The following MATK variants were observed in gnomAD, a reference collection of about 807,000 sequenced individuals.
The protein encoded by MATK is megakaryocyte-associated tyrosine-protein kinase.
A neutral mutation model predicts 59.8 loss-of-function variants in MATK; 41 were observed. The observed-to-expected ratio is 0.69, with a 90% CI of 0.53 to 0.89. The LOEUF (loss-of-function observed/expected upper bound fraction) is 0.89. MATK is among the 40% of genes least tolerant of loss of function. The pLI is 0.00. For synonymous variants in MATK, 308 were observed against 306.1 expected (o/e 1.01, Z -0.06); for missense variants, 593 against 719.6 (o/e 0.82, Z 2.01).
chr19:3,793,553 T>C (rs761534901), intron 1 of MATK, among the ~76,000 whole-genome samples: 7 of 152,074 alleles, frequency 4.6e-5, no homozygotes, highest in African/African-American at 9.7e-5. Context: ...AATATAAAAA[T>C]TAGCCAGGTG....
chr19:3,788,107 A>G (rs1403270731), upstream of MATK, among the ~76,000 whole-genome samples: 1 of 130,786 alleles, frequency 7.6e-6, no homozygotes, highest in Non-Finnish European at 1.6e-5. Context: ...TTTATATTAT[A>G]TTATATTATA....
At chr19:3,789,554 G>T (rs1270389185), upstream of MATK, 2 of 498,120 alleles carry the variant, frequency 4.0e-6, no homozygotes, top group Non-Finnish European at 7.2e-6. Context: ...TTCGCAAATT[G>T]TCAAGGGCTG....
At position 3,784,258 on chromosome 19, in the gene MATK, G is replaced by A. The variant is rs766151477; in HGVS notation, c.247-19C>T. The A allele has an allele frequency of 3.7e-6, 6 of 1,605,710 alleles. No homozygotes were observed. Among genetic ancestry groups the A allele is most frequent in the South Asian group, 2.2e-5 (2 of 90,680 alleles). On this transcript the variant is annotated intron_variant, in intron 4 of 13. Transcript: ENST00000310132. ...TCTTGTTCTGCCAGGGAGGAAGCAC[G>A]GGGTTAGTGTGGGGGGTGTGGGGGT...
At chr19:3,783,050 G>T in intron 7 of MATK, 76 bp downstream of exon 7, 1 of 1,451,934 alleles carries the variant, frequency 6.9e-7, no homozygotes, top group Non-Finnish European at 9.6e-7. Context: ...CAGAGGTGCG[G>T]GGCCCCAGGG....
intron 1 of MATK, among the ~76,000 whole-genome samples, chr19:3,799,665 C>T (rs1338744438): frequency 6.6e-6 from 1 of 151,342 alleles, no homozygotes; most frequent in Non-Finnish European, 1.5e-5. Context: ...CGCAGTGAAA[C>T]CCCATCTCTG....
rs763551941 is a variant in MATK, at chr19:3,778,229, C to T, written c.1478G>A (p.Gly493Glu). ...RSAGAPASVS[G>E]QDADGSTSPR... ...CGAGGTGGAGCCGTCGGCGTCCTGC[C>T]CTGAGACGGAGGCTGGGGCACCTGC... The change falls in exon 14 of 14, where the codon GGG (glycine) becomes GAG (glutamate). Residue 493 changes from glycine (G) to glutamate (E), a missense_variant. Physicochemically the swap from Gly to Glu is moderately conservative, Grantham distance 98. Transcript: ENST00000310132. The T allele has an allele frequency of 3.2e-6, 5 of 1,575,164 alleles. No individual in the cohort carries two copies. The East Asian group carries it at 6.7e-5, about 21-fold the overall frequency.
Position 3,785,066 on chromosome 19 carries a change from G to C in MATK, c.70C>G (p.Arg24Gly), listed in dbSNP as rs758085801. 1.9e-6 allele frequency: 3 copies of C among 1,613,756 alleles called. No individual in the cohort carries two copies. The African/African-American group carries it at 4.0e-5, about 22-fold the overall frequency. The stretch of plus-strand genomic sequence containing the variant: ...CCCTGTGGGGAAGTGATCTTTACCC[G>C]GGGAAGTTCCTCAGCAGAATCACAG... Reference protein sequence around the residue: ...HGCDSAEELPRVSPRFLRAWH... With the variant: ...HGCDSAEELPGVSPRFLRAWH... The change falls in exon 2 of 14, where the codon CGG becomes GGG. Residue 24 changes from arginine (R) to glycine (G), a missense_variant and splice_region_variant. Coordinates refer to ENST00000310132, the MANE Select transcript of MATK (RefSeq NM_139355.3).
At chr19:3,794,287 T>G (rs567369690) in intron 1 of MATK, among the ~76,000 whole-genome samples, 1 of 152,276 alleles carries the variant, frequency 6.6e-6, no homozygotes, top group East Asian at 1.9e-4. Flanking sequence ...CGACCAGCCC[T>G]GGGCCCGGCA....
At position 3,784,321 on chromosome 19, in the gene MATK, C is replaced by T. The variant is rs1203879381; in HGVS notation, c.246+17G>A. On this transcript the variant is annotated intron_variant, in intron 4 of 13. Transcript: ENST00000310132. ...GCCCCCAGCCCCAAGCACCCACACC[C>T]GCCGGCCACCTCTCACCTCGCAGGC... 15 of 1,594,106 alleles carry T rather than the reference C, an allele frequency of 9.4e-6. No homozygotes were observed. The highest frequency in any genetic ancestry group is 2.2e-5 in the South Asian group (2 of 89,614).
At position 3,781,616 on chromosome 19, in the gene MATK, C is replaced by T. The variant is rs1421131015; in HGVS notation, c.733G>A (p.Glu245Lys). 6.2e-7 allele frequency: 1 copy of T among 1,613,898 alleles called. No homozygotes were observed. The stretch of plus-strand genomic sequence containing the variant: ...CCAGTCCGCCACTCACCTCCAAACT[C>T]TCCCTCTCCGATCTGTGCTCCCAAT... ...LTLGAQIGEGEFGAVLQGEYL... is the reference protein window; with the variant it reads ...LTLGAQIGEGKFGAVLQGEYL... The change falls in exon 8 of 14, where the codon GAG becomes AAG. Residue 245 changes from glutamate to lysine, a missense_variant. Physicochemically the swap from Glu to Lys is moderately conservative, Grantham distance 56 (BLOSUM62 1). Coordinates refer to ENST00000310132, the MANE Select transcript of MATK (RefSeq NM_139355.3).
chr19:3,778,261 T>C lies in MATK; in HGVS notation c.1446A>G (p.Leu482=), dbSNP rs56146052. 2,277 of 1,576,060 alleles carry C rather than the reference T, an allele frequency of 1.4e-3. 1 individual carries two copies. Among genetic ancestry groups the C allele is most frequent in the Non-Finnish European group, 1.8e-3 (2,139 of 1,168,942 alleles). The change falls in exon 14 of 14, where the codon CTA becomes CTG. Residue 482 remains leucine (L), a synonymous_variant. Coordinates refer to ENST00000310132, the MANE Select transcript of MATK (RefSeq NM_139355.3). The part of the protein sequence containing the change: ...RKLAEKLARE[L]RSAGAPASVS... The stretch of plus-strand genomic sequence containing the variant: ...CGGAGGCTGGGGCACCTGCACTGCG[T>C]AGCTCCCGGGCCAGCTTCTCGGCCA...
chr19:3,784,319 C>G lies in MATK; in HGVS notation c.246+19G>C. 6.3e-7 allele frequency: 1 copy of G among 1,593,724 alleles called. No homozygotes were observed. The highest frequency in any genetic ancestry group is 1.1e-5 in the South Asian group (1 of 89,526). On this transcript the variant is annotated intron_variant, in intron 4 of 13. Coordinates refer to ENST00000310132, the MANE Select transcript of MATK (RefSeq NM_139355.3). ...GAGCCCCCAGCCCCAAGCACCCACACCCGCCGGCCACCTCTCACCTCGCAG... is the reference window on the plus strand; with the variant it reads ...GAGCCCCCAGCCCCAAGCACCCACAGCCGCCGGCCACCTCTCACCTCGCAG...
chr19:3,785,487 G>A, intron 1 of MATK: 1 of 346,650 alleles, frequency 2.9e-6, no homozygotes, highest in Non-Finnish European at 5.5e-6. Context: ...CAGGGGTGGG[G>A]GAGCCTCCCT....
intron 8 of MATK, 126 bp downstream of exon 8, chr19:3,781,481 T>C (rs988128515): frequency 1.3e-5 from 13 of 967,384 alleles, no homozygotes; most frequent in Non-Finnish European, 1.3e-5. Flanking sequence ...TCAGAGGATT[T>C]GCACGTCTTC....
At chr19:3,789,304 C>G (rs73531488), upstream of MATK, 1 of 779,282 alleles carries the variant, frequency 1.3e-6, no homozygotes, top group Non-Finnish European at 2.4e-6. Flanking sequence ...GGTCCCTCGC[C>G]GAGGTCTGCC....
chr19:3,799,727 G>A (rs2037626190), intron 1 of MATK, among the ~76,000 whole-genome samples: 1 of 152,128 alleles, frequency 6.6e-6, no homozygotes, highest in African/African-American at 2.4e-5. Flanking sequence ...TGTGGTCCCA[G>A]CTACTTGGGA....
Position 3,786,190 on chromosome 19 carries a change from G to GCCGCGCC in MATK, c.-180_-174dup, listed in dbSNP as rs2037481521. ...TCACCTGCTCAGGGGGCGCCCCCGA[G>GCCGCGCC]CCGCGCCCCGCGCCCGCCCCCAGGA... On this transcript the variant is annotated 5_prime_UTR_variant, in exon 1 of 14. It removes the in-frame stop codon of an upstream open reading frame in the 5' UTR. Coordinates refer to ENST00000310132, the MANE Select transcript of MATK (RefSeq NM_139355.3). The surrounding 1 kb of genome is among the most constrained non-coding windows in gnomAD (Gnocchi z 4.1). The GCCGCGCC allele has an allele frequency of 1.4e-5, 14 of 982,650 alleles. No individual in the cohort carries two copies. The highest frequency in any genetic ancestry group is 1.7e-5 in the Non-Finnish European group (14 of 827,730). The allele number at this position is 982,650 out of a possible 1,614,324, so 60.9% of individuals were successfully genotyped here. A position where few individuals can be genotyped will look rare whatever the true frequency, so the allele number is the denominator to read the frequency against.
intron 8 of MATK, among the ~76,000 whole-genome samples, chr19:3,780,279 CA>C (rs1016974586): frequency 2.0e-5 from 3 of 151,538 alleles, no homozygotes; most frequent in South Asian, 4.2e-4. Context: ...AACTCCATCT[CA>C]AAAAAAACCC....
chr19:3,784,555 T>TG, intron 3 of MATK, 104 bp from the exon 4 acceptor site: 2 of 773,396 alleles, frequency 2.6e-6, no homozygotes, highest in South Asian at 3.4e-5. Flanking sequence ...GGTATAGAGA[T>TG]TGGAAAAGAG....
Sources: gnomAD v4.1 joint callset for allele counts (sites outside exome capture counted in the v4.1 genomes callset) on GRCh38, gnomAD v4.1.1 for gene constraint, Gnocchi (gnomAD v3.1) non-coding constraint, MANE v1.5 for transcripts, NCBI Gene and HGNC (gene_info 2026-07-23, HGNC 2026-07-21) for gene names.